SNX20: variants seen among roughly 807,000 people sequenced by gnomAD.
The protein encoded by SNX20 is sorting nexin 20.
A neutral mutation model predicts 24.5 loss-of-function variants in SNX20; 21 were observed. That is an observed-to-expected ratio of 0.86 (90% CI 0.61 to 1.23). SNX20 has a LOEUF of 1.23. Among genes scored for constraint, SNX20 ranks in the 50% most tolerant of loss-of-function variants. The probability of loss-of-function intolerance (pLI) is 0.00; values close to 1 mark genes in which losing one functional copy is unlikely to be tolerated. For synonymous variants in SNX20, 206 were observed against 192.8 expected (o/e 1.07, Z -0.57); for missense variants, 433 against 430.8 (o/e 1.00, Z -0.04).
At position 50,674,055 on chromosome 16, in the gene SNX20, A is replaced by T. The variant is rs1169467191; in HGVS notation, c.302T>A (p.Ile101Asn). ...SKFVVYQIIV[I>N]QTGSFDNNKA... ...GTTGTTGTCAAAGCTCCCAGTCTGG[A>T]TGACGATGATTTGGTACACCTAGGG... Residue 101 changes from isoleucine to asparagine, a missense_variant, in exon 4 of 4, where the codon ATC (isoleucine) becomes AAC (asparagine). Transcript: ENST00000330943. 1 of 1,604,192 alleles carries T rather than the reference A, an allele frequency of 6.2e-7. No homozygotes were observed. The highest frequency in any genetic ancestry group is 8.5e-7 in the Non-Finnish European group (1 of 1,174,666).
chr16:50,666,432 A>G (rs1425561530), exon 4 of SNX20: 1 of 152,376 alleles, frequency 6.6e-6, no homozygotes, highest in Non-Finnish European at 1.5e-5. Context: ...AAGAGTGCAC[A>G]CAAAAAGGAC....
At chr16:50,678,733 G>A (rs994564281) in intron 1 of SNX20, among the ~76,000 whole-genome samples, 10 of 152,198 alleles carry the variant, frequency 6.6e-5, no homozygotes, top group East Asian at 1.9e-4. Context: ...TCTGTGACCC[G>A]GATAAGTGGA....
intron 2 of SNX20, among the ~76,000 whole-genome samples, chr16:50,676,700 A>G (rs1316807383): frequency 6.6e-6 from 1 of 152,052 alleles, no homozygotes; most frequent in East Asian, 1.9e-4. Flanking sequence ...CATTTTATTT[A>G]TTTATTTCTC....
At position 50,674,030 on chromosome 16, in the gene SNX20, G is replaced by T; in HGVS notation, c.327C>A (p.Asn109Lys). 1 of 1,609,844 alleles carries T rather than the reference G, an allele frequency of 6.2e-7. No homozygotes were observed. Among genetic ancestry groups the T allele is most frequent in the Admixed American group, 1.7e-5 (1 of 59,476 alleles). Residue 109 changes from asparagine to lysine, a missense_variant, in exon 4 of 4, where the codon AAC (asparagine) becomes AAA (lysine). Transcript: ENST00000330943. ...IVIQTGSFDN[N>K]KAVLERRYSD... ...AATAGCGCCGTTCCAGGACGGCCTT[G>T]TTGTTGTCAAAGCTCCCAGTCTGGA...
rs113387142 is a variant in SNX20 at position 50,673,542 on chromosome 16, G to A, written c.815C>T (p.Ala272Val). The A allele has an allele frequency of 9.9e-5, 159 of 1,608,992 alleles. 4 individuals carry two copies. In the African/African-American group the frequency reaches 1.6e-3, roughly 17 times the overall value. ...CAGCGCGTAGGCCAGGCGGACCATG[G>A]CGTCCAGCAGAGGCGCATAGTAGCG... is the stretch of plus-strand genomic sequence containing the variant. ...GHRYYAPLLD[A>V]MVRLAYALGK... The change falls in exon 4 of 4, where the codon GCC (alanine) becomes GTC (valine). Residue 272 changes from alanine to valine, a missense_variant. Physicochemically the swap from Ala to Val is moderately conservative, Grantham distance 64. Coordinates refer to ENST00000330943, the MANE Select transcript of SNX20 (RefSeq NM_182854.4). The surrounding 1 kb of genome is among the most constrained non-coding windows in gnomAD (Gnocchi z 4.1).
intron 3 of SNX20, among the ~76,000 whole-genome samples, chr16:50,674,797 C>T (rs1963146215): frequency 6.6e-6 from 1 of 152,092 alleles, no homozygotes; most frequent in African/African-American, 2.4e-5. Context: ...CTGGTGATGC[C>T]GTTATATGGT....
At chr16:50,679,390 A>G (rs575635047) in intron 1 of SNX20, among the ~76,000 whole-genome samples, 2 of 152,260 alleles carry the variant, frequency 1.3e-5, no homozygotes, top group Admixed American at 1.3e-4. Flanking sequence ...TTCAGGGGGA[A>G]GTGCTTGCTG....
intron 3 of SNX20, 98 bp downstream of exon 3, chr16:50,675,672 A>G (rs1963163356): frequency 2.7e-6 from 4 of 1,488,486 alleles, no homozygotes; most frequent in Non-Finnish European, 3.7e-6. Flanking sequence ...GTGTTGACCC[A>G]TTTCATAGTT....
downstream of SNX20, chr16:50,668,619 G>C: frequency 9.8e-7 from 1 of 1,020,350 alleles, no homozygotes; most frequent in Non-Finnish European, 1.2e-6. Context: ...GGGCCCCAGA[G>C]GGAAGGGCTG....
rs1414076598 is a variant in SNX20 at position 50,672,643 on chromosome 16, G to A, written c.*763C>T. ...ATACTAAGATAGTATTAGGATAATGGATGGAAATATTTTAAAGCAATTCCA... is the reference window on the plus strand; with the variant it reads ...ATACTAAGATAGTATTAGGATAATGAATGGAAATATTTTAAAGCAATTCCA... On this transcript the variant is annotated 3_prime_UTR_variant, in exon 4 of 4. Transcript: ENST00000330943. 2 of 152,112 alleles carry A rather than the reference G, an allele frequency of 1.3e-5. No homozygotes were observed. The highest frequency in any genetic ancestry group is 6.6e-5 in the Admixed American group (1 of 15,260). 9.4% of individuals were successfully genotyped at this position (152,112 alleles called of 1,614,324 possible). A position where few individuals can be genotyped will look rare whatever the true frequency, so the allele number is the denominator to read the frequency against.
chr16:50,677,287 G>C (rs1300751376), intron 2 of SNX20, 110 bp downstream of exon 2: 4 of 1,382,528 alleles, frequency 2.9e-6, no homozygotes, highest in Admixed American at 5.2e-5. Flanking sequence ...GATAACCCAA[G>C]TTACAAGAGC....
intron 1 of SNX20, among the ~76,000 whole-genome samples, chr16:50,679,994 GC>G (rs1477975475): frequency 6.6e-6 from 1 of 152,230 alleles, no homozygotes; most frequent in African/African-American, 2.4e-5. Context: ...TAGAAATGAT[GC>G]CTCGGCTTGA....
At position 50,671,894 on chromosome 16, in the gene SNX20, A is replaced by G. The variant is rs760294264; in HGVS notation, c.*1512T>C. On this transcript the variant is annotated 3_prime_UTR_variant, in exon 4 of 4. Coordinates refer to ENST00000330943, the MANE Select transcript of SNX20 (RefSeq NM_182854.4). ...GGTGCAGTCTAGTGCATAGCTGTCCACTTCTAGAGTGATCACTTGCTGGGC... is the reference window on the plus strand; with the variant it reads ...GGTGCAGTCTAGTGCATAGCTGTCCGCTTCTAGAGTGATCACTTGCTGGGC... 1 of 152,228 alleles carries G rather than the reference A, an allele frequency of 6.6e-6. No individual in the cohort carries two copies. Among genetic ancestry groups the G allele is most frequent in the Non-Finnish European group, 1.5e-5 (1 of 68,046 alleles). The allele number at this position is 152,228 out of a possible 1,614,324, so 9.4% of individuals were successfully genotyped here.
chr16:50,674,789 G>C (rs964830208), intron 3 of SNX20, among the ~76,000 whole-genome samples: 6 of 152,200 alleles, frequency 3.9e-5, no homozygotes, highest in Non-Finnish European at 7.3e-5. Flanking sequence ...TAGGTACACT[G>C]GTGATGCCGT....
rs777881669 is a variant in SNX20, at chr16:50,673,995, GC to G, written c.361del (p.Ala121ArgfsTer8). 3.7e-6 allele frequency: 6 copies of G among 1,612,712 alleles called. No homozygotes were observed. The Admixed American group carries it at 5.0e-5, about 13-fold the overall frequency. On this transcript the variant is annotated frameshift_variant, in exon 4 of 4. Transcript: ENST00000330943. LOFTEE classifies it high-confidence loss of function. This position sits in a 1 kb window ranked among gnomAD's most constrained non-coding sequence, Gnocchi z 4.1. ...CTTCAGCAGCGCTTTCTGGAGCTTC[GC>G]GAAGTCGGAATAGCGCCGTTCCAGG... The part of the protein sequence containing the change: ...AVLERRYSDF[A>X]KLQKALLKTF...
At chr16:50,677,563 G>A (rs202060371) in intron 1 of SNX20, 28 bp from the exon 2 acceptor site, 2 of 1,498,426 alleles carry the variant, frequency 1.3e-6, no homozygotes, top group East Asian at 2.5e-5. Flanking sequence ...GAACAGTGAG[G>A]ACCCACTCCA....
chr16:50,677,734 A>G (rs1963217058), intron 1 of SNX20, among the ~76,000 whole-genome samples, 199 bp from the exon 2 acceptor site: 1 of 152,224 alleles, frequency 6.6e-6, no homozygotes, highest in Non-Finnish European at 1.5e-5. Context: ...GGTTACTCCA[A>G]GGCAGAGAAG....
At position 50,671,772 on chromosome 16, in the gene SNX20, T is replaced by C. The variant is rs1963054961; in HGVS notation, c.*1634A>G. The C allele has an allele frequency of 6.6e-6, 1 of 152,226 alleles. No individual in the cohort carries two copies. The highest frequency in any genetic ancestry group is 6.5e-5 in the Admixed American group (1 of 15,290). The allele number at this position is 152,226 out of a possible 1,614,324, so 9.4% of individuals were successfully genotyped here. Reference sequence around the variant, plus strand: ...AGTAGATTGGGAGATTTGAGGGATATCTGTCCAAAGATGAGACAGTCTGTT... The same window carrying C: ...AGTAGATTGGGAGATTTGAGGGATACCTGTCCAAAGATGAGACAGTCTGTT... On this transcript the variant is annotated 3_prime_UTR_variant, in exon 4 of 4. Transcript: ENST00000330943.
chr16:50,679,570 C>T lies in SNX20; in HGVS notation c.-10+1620G>A, dbSNP rs200472669. On this transcript the variant is annotated intron_variant, in intron 1 of 3. Coordinates refer to ENST00000330943, the MANE Select transcript of SNX20 (RefSeq NM_182854.4). ...CTGCACGTTCTTGAGCATGCCGTCA[C>T]GGGCACCTCTCGCTTGTCTCTTGTG... Among the ~76,000 whole-genome samples, 21 of 152,266 alleles carry T rather than the reference C, an allele frequency of 1.4e-4. No homozygotes were observed. In the East Asian group the frequency reaches 3.1e-3, roughly 22 times the overall value.
Sources: gnomAD v4.1 joint callset for allele counts (sites outside exome capture counted in the v4.1 genomes callset) on GRCh38, gnomAD v4.1.1 for gene constraint, Gnocchi (gnomAD v3.1) non-coding constraint, MANE v1.5 for transcripts, NCBI Gene and HGNC (gene_info 2026-07-23, HGNC 2026-07-21) for gene names.